Variants in EEPD1 observed in about 807,000 individuals in gnomAD.
EEPD1 encodes endonuclease/exonuclease/phosphatase family domain-containing protein 1.
In EEPD1, 17 loss-of-function variants were observed where a neutral mutation model predicts 46.3. The observed-to-expected ratio is 0.37, with a 90% CI of 0.25 to 0.55. EEPD1 has a LOEUF of 0.55. Among genes scored for constraint, EEPD1 ranks in the 20% least tolerant of loss-of-function variants. The pLI, the probability that EEPD1 is intolerant of heterozygous loss-of-function variation, is 0.83. For synonymous variants in EEPD1, 313 were observed against 315.6 expected (o/e 0.99, Z 0.09); for missense variants, 673 against 745.6 (o/e 0.90, Z 1.13).
intron 2 of EEPD1, among the ~76,000 whole-genome samples, chr7:36,173,430 T>G: frequency 6.9e-6 from 1 of 145,508 alleles, no homozygotes; most frequent in African/African-American, 2.6e-5. Flanking sequence ...ACCCAGGAGG[T>G]GGAGGTTGCA....
chr7:36,296,977 T>C lies in EEPD1; in HGVS notation c.1316-16T>C, dbSNP rs1317153538. ...CCCAACAACTCTTAAACTCATTTTC[T>C]TCCTTCCACTTCCAGGAGAAAAGGA... On this transcript the variant is annotated splice_polypyrimidine_tract_variant and intron_variant, in intron 6 of 7. Coordinates refer to ENST00000242108, the MANE Select transcript of EEPD1 (RefSeq NM_030636.3). 2.5e-6 allele frequency: 4 copies of C among 1,612,458 alleles called. No homozygotes were observed. Among genetic ancestry groups the C allele is most frequent in the Non-Finnish European group, 3.4e-6 (4 of 1,178,816 alleles).
chr7:36,299,145 C>T lies in EEPD1; in HGVS notation c.1649C>T (p.Pro550Leu). 6.2e-7 allele frequency: 1 copy of T among 1,611,686 alleles called. No individual in the cohort carries two copies. The highest frequency in any genetic ancestry group is 8.5e-7 in the Non-Finnish European group (1 of 1,178,012). Residue 550 changes from proline to leucine, a missense_variant, in exon 8 of 8, where the codon CCT becomes CTT. Transcript: ENST00000242108. ...TEKDWSKKDA[P>L]RNGSGVALER... is the part of the protein sequence containing the mutation. ...AAGGACTGGAGCAAGAAGGATGCCC[C>T]TCGGAACGGCAGCGGGGTGGCCTTG...
chr7:36,169,819 G>A (rs958209780), intron 2 of EEPD1, among the ~76,000 whole-genome samples: 1 of 152,220 alleles, frequency 6.6e-6, no homozygotes, highest in Non-Finnish European at 1.5e-5. Context: ...TCTGAACTGG[G>A]CTTAAACAAT....
At chr7:36,237,625 C>T (rs1483348949) in intron 2 of EEPD1, among the ~76,000 whole-genome samples, 1 of 152,210 alleles carries the variant, frequency 6.6e-6, no homozygotes, top group African/African-American at 2.4e-5. Flanking sequence ...AAAGTGAAAG[C>T]AAGTTTATTG....
intron 2 of EEPD1, among the ~76,000 whole-genome samples, chr7:36,183,806 T>C (rs1356669229): frequency 1.3e-5 from 2 of 151,540 alleles, no homozygotes; most frequent in Admixed American, 6.6e-5. Flanking sequence ...CGCCAGACTC[T>C]GTATTCTTGA....
chr7:36,256,339 A>T (rs948150066), intron 3 of EEPD1, among the ~76,000 whole-genome samples: 2 of 152,194 alleles, frequency 1.3e-5, no homozygotes, highest in African/African-American at 4.8e-5. Context: ...CATTAGGTCC[A>T]CTTGGTCCAG....
At chr7:36,247,024 G>A (rs182562929) in intron 3 of EEPD1, among the ~76,000 whole-genome samples, 4 of 151,994 alleles carry the variant, frequency 2.6e-5, no homozygotes, top group African/African-American at 9.7e-5. Context: ...TACTCGGGAG[G>A]CTGAGGCAGA....
At chr7:36,190,845 G>C (rs1293686051) in intron 2 of EEPD1, among the ~76,000 whole-genome samples, 1 of 152,238 alleles carries the variant, frequency 6.6e-6, no homozygotes, top group Non-Finnish European at 1.5e-5. Context: ...CCTGGGGTAA[G>C]GGTCGTTATC....
At chr7:36,238,644 T>C (rs1786499958) in intron 2 of EEPD1, among the ~76,000 whole-genome samples, 1 of 152,236 alleles carries the variant, frequency 6.6e-6, no homozygotes, top group Admixed American at 6.5e-5. Context: ...TCATCTGTGG[T>C]AAACATTTAA....
At chr7:36,162,328 C>T (rs1009911005) in intron 2 of EEPD1, among the ~76,000 whole-genome samples, 8 of 152,180 alleles carry the variant, frequency 5.3e-5, no homozygotes, top group Non-Finnish European at 4.4e-5. Context: ...GTGTGGAATC[C>T]TTCTTGCAGA....
At chr7:36,291,161 A>G (rs1418904681) in intron 6 of EEPD1, among the ~76,000 whole-genome samples, 1 of 152,138 alleles carries the variant, frequency 6.6e-6, no homozygotes, top group Non-Finnish European at 1.5e-5. Context: ...CTCCCTCATT[A>G]TATGGGAACT....
chr7:36,283,681 A>G (rs1787296623), intron 4 of EEPD1, among the ~76,000 whole-genome samples: 2 of 152,328 alleles, frequency 1.3e-5, no homozygotes, highest in Non-Finnish European at 2.9e-5. Context: ...CAAATATAGA[A>G]GTGCACAGCA....
intron 2 of EEPD1, among the ~76,000 whole-genome samples, chr7:36,171,954 A>G (rs1272477650): frequency 1.3e-5 from 2 of 152,216 alleles, no homozygotes; most frequent in Non-Finnish European, 2.9e-5. Context: ...AGGGGACTTC[A>G]CTTTTTATAT....
At chr7:36,181,026 A>G (rs568292350) in intron 2 of EEPD1, among the ~76,000 whole-genome samples, 1 of 152,264 alleles carries the variant, frequency 6.6e-6, no homozygotes, top group African/African-American at 2.4e-5. Flanking sequence ...AGGATTCCCC[A>G]GGGTGCTTTT....
chr7:36,162,465 G>A (rs991548748), intron 2 of EEPD1, among the ~76,000 whole-genome samples: 6 of 152,090 alleles, frequency 3.9e-5, no homozygotes, highest in Non-Finnish European at 8.8e-5. Context: ...GCAACATGGT[G>A]AAATCCCATC....
At position 36,267,115 on chromosome 7, in the gene EEPD1, G is replaced by T. The variant is rs190213531; in HGVS notation, c.931-14000G>T. Reference sequence around the variant, plus strand: ...TATCTCCTAATTATCTCTGGAGTCTGCCCACTGCCATCCTCCCAGTCAAGC... The same window carrying T: ...TATCTCCTAATTATCTCTGGAGTCTTCCCACTGCCATCCTCCCAGTCAAGC... On this transcript the variant is annotated intron_variant, in intron 3 of 7. Coordinates refer to ENST00000242108, the MANE Select transcript of EEPD1 (RefSeq NM_030636.3). Among the ~76,000 whole-genome samples the T allele has an allele frequency of 2.0e-4, 30 of 152,240 alleles. 1 individual carries two copies. The highest frequency in any genetic ancestry group is 1.3e-3 in the Admixed American group (20 of 15,298).
chr7:36,200,827 T>G (rs1322875374), intron 2 of EEPD1, among the ~76,000 whole-genome samples: 3 of 152,202 alleles, frequency 2.0e-5, no homozygotes, highest in Non-Finnish European at 4.4e-5. Context: ...GCAGTAGCTC[T>G]CAAACATGAG....
chr7:36,156,526 G>A (rs200903912), intron 2 of EEPD1, among the ~76,000 whole-genome samples: 1 of 152,198 alleles, frequency 6.6e-6, no homozygotes, highest in Non-Finnish European at 1.5e-5. Context: ...ATAGCAGCAT[G>A]GGCGTGTGAA....
At chr7:36,161,741 A>T (rs2115603080) in intron 2 of EEPD1, among the ~76,000 whole-genome samples, 1 of 152,140 alleles carries the variant, frequency 6.6e-6, no homozygotes, top group East Asian at 1.9e-4. Flanking sequence ...ACATAGCAAG[A>T]CCCTATTGCT....
Sources: gnomAD v4.1 joint callset for allele counts (sites outside exome capture counted in the v4.1 genomes callset) on GRCh38, gnomAD v4.1.1 for gene constraint, MANE v1.5 for transcripts, NCBI Gene and HGNC (gene_info 2026-07-23, HGNC 2026-07-21) for gene names.